The following ANO1 variants were observed in gnomAD, a reference collection of about 807,000 sequenced individuals.
The protein encoded by ANO1 is anoctamin 1.
A neutral mutation model predicts 124.0 loss-of-function variants in ANO1; 59 were observed. That is an observed-to-expected ratio of 0.48 (90% confidence interval 0.39 to 0.59). The LOEUF (loss-of-function observed/expected upper bound fraction) is 0.59. Ranked by LOEUF, ANO1 falls within the 20% of genes least tolerant of loss-of-function variation. The pLI is 0.00. For synonymous variants in ANO1, 529 were observed against 532.0 expected (o/e 0.99, Z 0.08); for missense variants, 1,059 against 1,328.0 (o/e 0.80, Z 3.15).
chr11:70,100,406 T>G (rs1427626094), intron 2 of ANO1, among the ~76,000 whole-genome samples: 3 of 152,102 alleles, frequency 2.0e-5, no homozygotes, highest in Non-Finnish European at 2.9e-5. Context: ...AGAGGGAAAT[T>G]TGAGACCCAG....
chr11:70,020,629 T>A lies in ANO1; in HGVS notation c.58+34463T>A, dbSNP rs572979742. On this transcript the variant is annotated intron_variant, in intron 1 of 27. Transcript: ENST00000531349. ...CCCAAGAACACACTCCACACCCCTC[T>A]TCGCTGCTGCGGTGTGAAGCTTCAG... Among the ~76,000 whole-genome samples the A allele has an allele frequency of 9.1e-4, 138 of 152,276 alleles. 1 individual carries two copies. The highest frequency in any genetic ancestry group is 3.1e-3 in the African/African-American group (129 of 41,566).
chr11:70,025,793 G>A (rs111218557), intron 1 of ANO1, among the ~76,000 whole-genome samples: 17,704 of 139,012 alleles, frequency 0.13, 1,570 homozygotes, highest in African/African-American at 0.16. Context: ...TGGTAGTGGT[G>A]TTGACAGTGA....
At chr11:69,974,510 A>T in the ANO1 span, among the ~76,000 whole-genome samples, 3,060 of 152,310 alleles carry the variant, frequency 0.02, 113 homozygotes, top group African/African-American at 0.071. Context: ...GCGTCTGCCC[A>T]AGACGGCTGA....
chr11:70,068,638 C>A (rs1857792568), intron 1 of ANO1, among the ~76,000 whole-genome samples: 1 of 152,034 alleles, frequency 6.6e-6, no homozygotes, highest in African/African-American at 2.4e-5. Flanking sequence ...AACATGAAGT[C>A]CAGCCCAAGA....
intron 11 of ANO1, among the ~76,000 whole-genome samples, chr11:70,139,131 T>C (rs1036580993): frequency 1.3e-5 from 2 of 152,172 alleles, no homozygotes; most frequent in African/African-American, 4.8e-5. Flanking sequence ...GACTGCGTAG[T>C]GTTCCCTGGT....
At chr11:69,994,244 T>C (rs942784762) in intron 1 of ANO1, among the ~76,000 whole-genome samples, 2 of 152,168 alleles carry the variant, frequency 1.3e-5, no homozygotes, top group Admixed American at 6.5e-5. Context: ...TTTTGTTTCA[T>C]TTTTGTGCTA....
intron 2 of ANO1, among the ~76,000 whole-genome samples, chr11:70,096,506 T>C (rs1460076368): frequency 6.6e-6 from 1 of 152,138 alleles, no homozygotes; most frequent in Non-Finnish European, 1.5e-5. Flanking sequence ...TTATGAACAG[T>C]GCATGCGAGG....
chr11:70,075,101 C>T (rs1166935998), upstream of ANO1: 11 of 152,244 alleles, frequency 7.2e-5, no homozygotes, highest in Non-Finnish European at 1.6e-4. Context: ...GTCCCTGTGT[C>T]TCCATAATTT....
chr11:70,032,607 CAG>C (rs1207459277), intron 1 of ANO1, among the ~76,000 whole-genome samples: 1 of 152,026 alleles, frequency 6.6e-6, no homozygotes, highest in African/African-American at 2.4e-5. Flanking sequence ...GAGCCCACAA[CAG>C]TGTCTGAGTG....
intron 18 of ANO1, 146 bp downstream of exon 18, chr11:70,161,879 T>G (rs564701358): frequency 1.3e-6 from 1 of 744,398 alleles, no homozygotes; most frequent in Admixed American, 2.6e-5. Flanking sequence ...GGAGAAGGCC[T>G]GGGCCCTGCT....
chr11:70,186,451 G>A (rs777796275), intron 25 of ANO1, among the ~76,000 whole-genome samples: 19 of 152,098 alleles, frequency 1.2e-4, no homozygotes, highest in Non-Finnish European at 2.4e-4. Context: ...CTCACACCAT[G>A]TCTGTGGTAG....
At chr11:70,071,180 T>C (rs1480346222) in intron 1 of ANO1, among the ~76,000 whole-genome samples, 2 of 152,194 alleles carry the variant, frequency 1.3e-5, no homozygotes, top group African/African-American at 4.8e-5. Context: ...TCCTAATATT[T>C]CGGGAATGTG....
At chr11:70,048,280 T>G (rs1221968577) in intron 1 of ANO1, among the ~76,000 whole-genome samples, 1 of 152,234 alleles carries the variant, frequency 6.6e-6, no homozygotes, top group Non-Finnish European at 1.5e-5. Context: ...ATAATCTATC[T>G]AGTTTCTATA....
chr11:70,057,440 G>A (rs1228403782), intron 1 of ANO1, among the ~76,000 whole-genome samples: 2 of 151,644 alleles, frequency 1.3e-5, no homozygotes, highest in African/African-American at 4.9e-5. Context: ...AATTTTGTGT[G>A]TGTGTGTGTG....
In ANO1 at chr11:70,103,098, C is replaced by A. The variant is rs1210628675; in HGVS notation, c.474C>A (p.Ile158=). ...TKIHGVGFVK[I]HAPWNVLCRE... ...TCCACGGAGTCGGGTTTGTGAAAAT[C>A]CATGCCCCCTGGAACGTGCTGTGCA... is the stretch of plus-strand genomic sequence containing the variant. The change falls in exon 3 of 26, where the codon ATC becomes ATA. Residue 158 remains isoleucine (I), a synonymous_variant. Transcript: ENST00000355303. 1.2e-6 allele frequency: 2 copies of A among 1,612,826 alleles called. No homozygotes were observed. Among genetic ancestry groups the A allele is most frequent in the Non-Finnish European group, 8.5e-7 (1 of 1,179,478 alleles).
At chr11:70,075,515 C>T (rs941428412), upstream of ANO1, 7 of 151,754 alleles carry the variant, frequency 4.6e-5, no homozygotes, top group African/African-American at 7.3e-5. Context: ...TATCTGTTGG[C>T]ACATGCCATC....
intron 1 of ANO1, among the ~76,000 whole-genome samples, chr11:70,033,166 C>T (rs371229956): frequency 3.2e-4 from 49 of 152,214 alleles, no homozygotes; most frequent in African/African-American, 5.8e-4. Context: ...CTTCACGGGG[C>T]GGTTTCACTT....
chr11:70,038,334 C>A (rs144190169), intron 1 of ANO1, among the ~76,000 whole-genome samples: 2 of 152,134 alleles, frequency 1.3e-5, no homozygotes, highest in African/African-American at 2.4e-5. Context: ...GTTAGCCAAT[C>A]GGGTCAAGCT....
At chr11:70,036,501 G>A (rs1432594766) in intron 1 of ANO1, among the ~76,000 whole-genome samples, 25 of 152,160 alleles carry the variant, frequency 1.6e-4, no homozygotes, top group Admixed American at 1.6e-3. Flanking sequence ...AGGCCTGCTC[G>A]GTGACTCTTC....
Sources: gnomAD v4.1 joint callset for allele counts (sites outside exome capture counted in the v4.1 genomes callset) on GRCh38, gnomAD v4.1.1 for gene constraint, MANE v1.5 for transcripts, NCBI Gene and HGNC (gene_info 2026-07-23, HGNC 2026-07-21) for gene names.